CELF2: variants seen among roughly 807,000 people sequenced by gnomAD.
CELF2 encodes the protein CUGBP Elav-like family member 2.
CELF2 carries 8 observed loss-of-function variants against 62.6 expected under a neutral mutation model. The observed-to-expected ratio is 0.13, with a 90% CI of 0.07 to 0.23. The LOEUF is 0.23. CELF2 is among the 10% of genes least tolerant of loss of function. The probability of loss-of-function intolerance (pLI) is 1.00; values close to 1 mark genes in which losing one functional copy is unlikely to be tolerated. For synonymous variants in CELF2, 258 were observed against 250.0 expected (o/e 1.03, Z -0.30); for missense variants, 333 against 671.0 (o/e 0.50, Z 5.56).
chr10:10,643,803 G>A, the CELF2 span, among the ~76,000 whole-genome samples: 2 of 152,094 alleles, frequency 1.3e-5, no homozygotes, highest in African/African-American at 4.8e-5. Flanking sequence ...TCTTAACGTA[G>A]GCTCTGAAAA....
the CELF2 span, among the ~76,000 whole-genome samples, chr10:10,561,946 T>G: frequency 2.6e-5 from 4 of 152,168 alleles, no homozygotes; most frequent in African/African-American, 4.8e-5. Flanking sequence ...TTGACTTCAT[T>G]TCTTCATAAG....
the CELF2 span, among the ~76,000 whole-genome samples, chr10:10,569,089 G>C: frequency 2.0e-5 from 3 of 152,144 alleles, no homozygotes; most frequent in Non-Finnish European, 2.9e-5. Context: ...TGGAAGAAAG[G>C]GGGCTGCTAA....
chr10:10,647,142 G>A, the CELF2 span, among the ~76,000 whole-genome samples: 3 of 152,118 alleles, frequency 2.0e-5, no homozygotes, highest in Non-Finnish European at 4.4e-5. Flanking sequence ...ATAACTCACA[G>A]CCTAGCCCTT....
chr10:11,274,824 GATTA>G (rs796087564), intron 7 of CELF2, among the ~76,000 whole-genome samples: 23 of 135,044 alleles, frequency 1.7e-4, no homozygotes, highest in African/African-American at 5.4e-4. Context: ...AGAGTAAATT[GATTA>G]ATTGTTTTAA....
At chr10:10,510,468 C>T in the CELF2 span, among the ~76,000 whole-genome samples, 5 of 152,186 alleles carry the variant, frequency 3.3e-5, no homozygotes, top group Non-Finnish European at 4.4e-5. Context: ...ATCTTCTTTG[C>T]GTTTATCTTC....
chr10:11,131,201 G>C (rs760885596), intron 1 of CELF2, among the ~76,000 whole-genome samples: 4 of 152,204 alleles, frequency 2.6e-5, no homozygotes, highest in Non-Finnish European at 5.9e-5. Flanking sequence ...AGCCTAACAA[G>C]AAGAAGGCAG....
At chr10:10,858,490 G>C (rs2059878298) in intron 1 of CELF2, among the ~76,000 whole-genome samples, 1 of 152,102 alleles carries the variant, frequency 6.6e-6, no homozygotes, top group Non-Finnish European at 1.5e-5. Flanking sequence ...ACCCATCAGA[G>C]AAGCCTTATT....
At chr10:11,015,175 A>T (rs892681075), upstream of CELF2, among the ~76,000 whole-genome samples, 1 of 152,186 alleles carries the variant, frequency 6.6e-6, no homozygotes, top group African/African-American at 2.4e-5. This position sits in a 1 kb window ranked among gnomAD's most constrained non-coding sequence, Gnocchi z 4.8. Context: ...CATGAAAATT[A>T]AAAAAGGGGC....
chr10:10,594,852 C>G, the CELF2 span, among the ~76,000 whole-genome samples: 1 of 151,522 alleles, frequency 6.6e-6, no homozygotes, highest in Non-Finnish European at 1.5e-5. Context: ...TGGTTGGGTA[C>G]TAAGTCAGTT....
chr10:10,682,043 T>C, the CELF2 span, among the ~76,000 whole-genome samples: 3 of 152,222 alleles, frequency 2.0e-5, no homozygotes, highest in Admixed American at 6.5e-5. Flanking sequence ...AGAATTTCTG[T>C]GGCAGAAGAA....
rs1425048559 is a variant in CELF2 at position 11,243,533 on chromosome 10, C to T, written c.355-5620C>T. Reference sequence around the variant, plus strand: ...AACTCATGCTCCTGCCATTTCCCCACAAGCATGCTGCGGCCTTGCGTGAGA... The same window carrying T: ...AACTCATGCTCCTGCCATTTCCCCATAAGCATGCTGCGGCCTTGCGTGAGA... On this transcript the variant is annotated intron_variant, in intron 3 of 12. Coordinates refer to ENST00000633077, the MANE Select transcript of CELF2 (RefSeq NM_001326342.2). This position sits in a 1 kb window ranked among gnomAD's most constrained non-coding sequence, Gnocchi z 4.1. 1.3e-5 allele frequency among the ~76,000 whole-genome samples: 2 copies of T among 152,198 alleles called. No individual in the cohort carries two copies. Among genetic ancestry groups the T allele is most frequent in the South Asian group, 2.1e-4 (1 of 4,828 alleles).
chr10:10,806,904 A>G (rs556156693), intron 1 of CELF2, among the ~76,000 whole-genome samples: 1 of 152,330 alleles, frequency 6.6e-6, no homozygotes, highest in African/African-American at 2.4e-5. Context: ...CTAGAATCTG[A>G]TCACCCACAA....
intron 2 of CELF2, among the ~76,000 whole-genome samples, chr10:10,932,250 A>G (rs2135179638): frequency 6.6e-6 from 1 of 152,328 alleles, no homozygotes; most frequent in Non-Finnish European, 1.5e-5. Context: ...GGGGCTGGAC[A>G]AGGTATGCGG....
intron 1 of CELF2, among the ~76,000 whole-genome samples, chr10:10,908,213 G>GTTTTTTTTTTTTT (rs1564802363): frequency 3.8e-5 from 1 of 26,544 alleles, no homozygotes; most frequent in Non-Finnish European, 6.7e-5. Flanking sequence ...TGTATGAGGG[G>GTTTTTTTTTTTTT]ATTTTTTTTT....
chr10:10,921,169 G>A (rs1476783103), intron 2 of CELF2, among the ~76,000 whole-genome samples: 1 of 152,090 alleles, frequency 6.6e-6, no homozygotes, highest in East Asian at 1.9e-4. Flanking sequence ...TGGCCAGGCT[G>A]GTCTCAAATT....
chr10:10,525,863 T>C, the CELF2 span, among the ~76,000 whole-genome samples: 1 of 152,224 alleles, frequency 6.6e-6, no homozygotes, highest in Non-Finnish European at 1.5e-5. Flanking sequence ...TACTGGATCA[T>C]ATGATAGCTC....
At chr10:11,041,190 C>T (rs182101688) in intron 1 of CELF2, among the ~76,000 whole-genome samples, 29 of 152,294 alleles carry the variant, frequency 1.9e-4, no homozygotes, top group Non-Finnish European at 2.6e-4. Flanking sequence ...ACGGGAGCTC[C>T]GCCCTTGTGA....
At chr10:11,096,760 T>G (rs187958100) in intron 1 of CELF2, among the ~76,000 whole-genome samples, 14 of 152,286 alleles carry the variant, frequency 9.2e-5, no homozygotes, top group Admixed American at 5.9e-4. Flanking sequence ...AACAAGTCAC[T>G]CTCTCTGTGT....
upstream of CELF2, among the ~76,000 whole-genome samples, chr10:11,004,673 C>T (rs539302062): frequency 8.5e-5 from 13 of 152,230 alleles, no homozygotes; most frequent in East Asian, 3.9e-4. This position sits in a 1 kb window ranked among gnomAD's most constrained non-coding sequence, Gnocchi z 5.0. Context: ...TTTAGATACC[C>T]TCCTCCAGGT....
Sources: allele counts gnomAD v4.1 joint callset (sites outside exome capture counted in the v4.1 genomes callset), GRCh38; gene constraint gnomAD v4.1.1; non-coding constraint Gnocchi (gnomAD v3.1); transcripts MANE v1.5; gene names NCBI Gene and HGNC (gene_info 2026-07-23, HGNC 2026-07-21).